The following ARMC3 variants were observed in gnomAD, a reference collection of about 807,000 sequenced individuals.
ARMC3 encodes armadillo repeat containing 3.
Under a neutral mutation model 90.3 loss-of-function variants are expected in ARMC3, and 74 were observed. The observed-to-expected ratio is 0.82, with a 90% CI of 0.68 to 0.99. ARMC3 has a LOEUF of 0.99. Ranked by LOEUF, ARMC3 falls within the 50% of genes least tolerant of loss-of-function variation. The probability of loss-of-function intolerance (pLI) is 0.00; values close to 1 mark genes in which losing one functional copy is unlikely to be tolerated. For missense variants in ARMC3, 958 were observed against 1,042.8 expected (o/e 0.92, Z 1.12); for synonymous variants, 334 against 361.8 (o/e 0.92, Z 0.87).
chr10:23,024,327 A>G (rs79769643), intron 16 of ARMC3, among the ~76,000 whole-genome samples: 1 of 152,268 alleles, frequency 6.6e-6, no homozygotes, highest in African/African-American at 2.4e-5. Context: ...TGGCTAAAGA[A>G]TGTTCTTCAA....
At chr10:22,982,642 C>G (rs1836245114) in intron 10 of ARMC3, among the ~76,000 whole-genome samples, 1 of 152,188 alleles carries the variant, frequency 6.6e-6, no homozygotes, top group Admixed American at 6.5e-5. Context: ...GTTCTTTCCT[C>G]TACAGGAGAT....
chr10:23,012,917 TCTCA>T (rs1342507181), intron 16 of ARMC3, among the ~76,000 whole-genome samples: 1 of 139,228 alleles, frequency 7.2e-6, no homozygotes, highest in African/African-American at 2.9e-5. Flanking sequence ...TGAGACAGAG[TCTCA>T]CTCTATCACC....
chr10:23,003,372 A>C lies in ARMC3; in HGVS notation c.1689A>C (p.Ser563=), dbSNP rs1006090684. Residue 563 remains serine, a synonymous_variant, in exon 13 of 19, where the codon TCA becomes TCC. Coordinates refer to ENST00000298032, the MANE Select transcript of ARMC3 (RefSeq NM_173081.5). ...AATACAGCCAGACTGGCTATTTGTC[A>C]TCAAGTAACATAATTAACGATGGAT... ...SLKYSQTGYL[S]SSNIINDGFY... 3.7e-6 allele frequency: 6 copies of C among 1,611,670 alleles called. No individual in the cohort carries two copies. Among genetic ancestry groups the C allele is most frequent in the Non-Finnish European group, 4.2e-6 (5 of 1,179,020 alleles).
At chr10:22,963,031 A>T (rs1835269520) in intron 7 of ARMC3, among the ~76,000 whole-genome samples, 1 of 152,168 alleles carries the variant, frequency 6.6e-6, no homozygotes, top group Admixed American at 6.5e-5. Context: ...AATGTTACTT[A>T]ATTTGCCTTA....
intron 8 of ARMC3, among the ~76,000 whole-genome samples, chr10:22,978,775 A>G (rs1352114405): frequency 1.3e-5 from 2 of 152,114 alleles, no homozygotes; most frequent in African/African-American, 2.4e-5. Flanking sequence ...GATTTTGACA[A>G]ATATTGCTCC....
At chr10:22,951,247 A>G (rs1409084628) in intron 3 of ARMC3, among the ~76,000 whole-genome samples, 1 of 152,096 alleles carries the variant, frequency 6.6e-6, no homozygotes, top group Admixed American at 6.5e-5. Flanking sequence ...GAAAAATCTT[A>G]AACAGTTATG....
At chr10:22,930,122 A>G (rs1833871494) in intron 1 of ARMC3, among the ~76,000 whole-genome samples, 1 of 152,170 alleles carries the variant, frequency 6.6e-6, no homozygotes, top group Admixed American at 6.5e-5. Context: ...ATAGAGTGCT[A>G]TAAACTCTCT....
At chr10:22,997,602 A>G (rs1481979158) in intron 10 of ARMC3, among the ~76,000 whole-genome samples, 1 of 152,220 alleles carries the variant, frequency 6.6e-6, no homozygotes, top group African/African-American at 2.4e-5. Context: ...CTTTGCCTAC[A>G]ATTAACAACC....
Position 23,030,695 on chromosome 10 carries a change from G to A in ARMC3, c.2145G>A (p.Trp715Ter), listed in dbSNP as rs756978143. ...GTGAAGGAAGCTCTGACAAAGAATG[G>A]TGTCCTCCCTCTGACCCTGATTTCT... The part of the protein sequence containing the change: ...FVGEGSSDKE[W>*]CPPSDPDFSM... The change falls in exon 17 of 19, where the codon TGG becomes TGA. Residue 715 changes from tryptophan (W) to a stop codon, truncating the protein, a stop_gained. Transcript: ENST00000298032. LOFTEE classifies it high-confidence loss of function. The A allele has an allele frequency of 1.2e-6, 2 of 1,613,898 alleles. No homozygotes were observed. The highest frequency in any genetic ancestry group is 1.7e-6 in the Non-Finnish European group (2 of 1,179,876).
intron 16 of ARMC3, among the ~76,000 whole-genome samples, chr10:23,024,393 CATAGATAG>C (rs546077538): frequency 1.3e-4 from 17 of 133,440 alleles, no homozygotes; most frequent in African/African-American, 4.3e-4. Context: ...AGGAATGCCA[CATAGATAG>C]ATAGATAGAT....
chr10:22,998,893 G>A (rs1837150200), intron 11 of ARMC3, among the ~76,000 whole-genome samples: 1 of 152,176 alleles, frequency 6.6e-6, no homozygotes, highest in African/African-American at 2.4e-5. Context: ...AGTATGCAAA[G>A]CTAAGCACTA....
At chr10:23,008,097 C>T (rs886769019) in intron 14 of ARMC3, among the ~76,000 whole-genome samples, 179 bp from the exon 15 acceptor site, 1 of 152,078 alleles carries the variant, frequency 6.6e-6, no homozygotes, top group Non-Finnish European at 1.5e-5. Flanking sequence ...GAGTGAGATC[C>T]TGTCTCAAAA....
Position 22,984,474 on chromosome 10 carries a change from A to G in ARMC3, c.1175+2774A>G, listed in dbSNP as rs1010864236. Among the ~76,000 whole-genome samples the G allele has an allele frequency of 3.3e-5, 5 of 152,154 alleles. No individual in the cohort carries two copies. The East Asian group carries it at 5.8e-4, about 18-fold the overall frequency. ...CTAACAAATGCTTTTTTTAATTAAAATCTTTTTGTAATCTAAAAATAGAAT... is the reference window on the plus strand; with the variant it reads ...CTAACAAATGCTTTTTTTAATTAAAGTCTTTTTGTAATCTAAAAATAGAAT... On this transcript the variant is annotated intron_variant, in intron 10 of 18. Coordinates refer to ENST00000298032, the MANE Select transcript of ARMC3 (RefSeq NM_173081.5).
chr10:23,030,573 A>T, intron 16 of ARMC3, 23 bp from the exon 17 acceptor site: 1 of 1,596,050 alleles, frequency 6.3e-7, no homozygotes, highest in Non-Finnish European at 8.5e-7. Flanking sequence ...TGTGATTTTG[A>T]TTGCCCTTGT....
At position 22,946,261 on chromosome 10, in the gene ARMC3, G is replaced by A. The variant is rs758024069; in HGVS notation, c.166G>A (p.Gly56Ser). 4 of 1,577,144 alleles carry A rather than the reference G, an allele frequency of 2.5e-6. No individual in the cohort carries two copies. In the South Asian group the frequency reaches 4.6e-5, roughly 18 times the overall value. ...AGCCATTTATAAATTTGCTTTAAAA[G>A]GTTTGGATTTTTTTCAGTTTATCTT... ...CEAIYKFALK[G>S]EENKTTLLEL... The change falls in exon 3 of 19, where the codon GGT (glycine) becomes AGT (serine). Residue 56 changes from glycine to serine, a missense_variant and splice_region_variant. Coordinates refer to ENST00000298032, the MANE Select transcript of ARMC3 (RefSeq NM_173081.5).
At chr10:22,973,013 G>A (rs1035535758) in intron 8 of ARMC3, among the ~76,000 whole-genome samples, 1 of 152,072 alleles carries the variant, frequency 6.6e-6, no homozygotes, top group Non-Finnish European at 1.5e-5. Flanking sequence ...ACATTTTGGG[G>A]CTGGGCACAG....
chr10:23,012,021 C>T (rs529209439), intron 16 of ARMC3, among the ~76,000 whole-genome samples: 16 of 152,286 alleles, frequency 1.1e-4, no homozygotes, highest in African/African-American at 3.6e-4. Context: ...CAAAGTGCAC[C>T]TTTCCCTCTG....
At chr10:22,929,267 G>GGAGAGA (rs931480338) in intron 1 of ARMC3, among the ~76,000 whole-genome samples, 1 of 131,234 alleles carries the variant, frequency 7.6e-6, no homozygotes, top group African/African-American at 3.0e-5. Flanking sequence ...AGAGAGAGAG[G>GGAGAGA]GAGAGAGAGA....
Position 22,932,057 on chromosome 10 carries a change from T to C in ARMC3, c.48+13T>C, listed in dbSNP as rs368201568. 5.6e-5 allele frequency: 89 copies of C among 1,591,500 alleles called. No individual in the cohort carries two copies. In the African/African-American group the frequency reaches 1.0e-3, roughly 18 times the overall value. On this transcript the variant is annotated intron_variant, in intron 2 of 18. Coordinates refer to ENST00000298032, the MANE Select transcript of ARMC3 (RefSeq NM_173081.5). ...TCCTAAGGATGTGGTAAGTTTCTGA[T>C]TTGAATACTAGTAGCACTTTAACAA...
Sources: allele counts gnomAD v4.1 joint callset (sites outside exome capture counted in the v4.1 genomes callset), GRCh38; gene constraint gnomAD v4.1.1; transcripts MANE v1.5; gene names NCBI Gene and HGNC (gene_info 2026-07-23, HGNC 2026-07-21).